The following MACROD2 variants were observed in gnomAD, a reference collection of about 807,000 sequenced individuals.
The protein encoded by MACROD2 is ADP-ribose glycohydrolase MACROD2.
Under a neutral mutation model 70.4 loss-of-function variants are expected in MACROD2, and 36 were observed. The ratio of observed to expected loss-of-function variants is 0.51; its 90% CI spans 0.39 to 0.68. MACROD2 has a LOEUF of 0.68. Among genes scored for constraint, MACROD2 ranks in the 30% least tolerant of loss-of-function variants. The pLI, the probability that MACROD2 is intolerant of heterozygous loss-of-function variation, is 0.00. For synonymous variants in MACROD2, 172 were observed against 178.8 expected, an observed-to-expected ratio of 0.96 and a Z score of 0.30; for missense variants, 496 against 538.4, an observed-to-expected ratio of 0.92 and a Z score of 0.78.
chr20:15,356,934 A>G (rs1421569528), intron 6 of MACROD2, among the ~76,000 whole-genome samples: 1 of 152,250 alleles, frequency 6.6e-6, no homozygotes, highest in East Asian at 1.9e-4. Context: ...TGAAAGTATT[A>G]CAAACTGAAT....
intron 4 of MACROD2, among the ~76,000 whole-genome samples, chr20:14,680,969 A>C (rs2070924992): frequency 6.6e-6 from 1 of 152,190 alleles, no homozygotes; most frequent in African/African-American, 2.4e-5. Context: ...AAAGACAACA[A>C]AAATTAGCAA....
intron 3 of MACROD2, among the ~76,000 whole-genome samples, chr20:14,445,248 T>G (rs1257252446): frequency 6.6e-6 from 1 of 152,070 alleles, no homozygotes; most frequent in Non-Finnish European, 1.5e-5. Context: ...CAAGGATTTT[T>G]GTCCATTTTG....
At chr20:15,682,087 T>C (rs1363956643) in intron 8 of MACROD2, among the ~76,000 whole-genome samples, 1 of 152,192 alleles carries the variant, frequency 6.6e-6, no homozygotes, top group Non-Finnish European at 1.5e-5. Context: ...ATGTATTTCA[T>C]AACATGTAGC....
At position 14,833,287 on chromosome 20, in the gene MACROD2, A is replaced by T. The variant is rs140517410; in HGVS notation, c.418+148328A>T. ...TTCCAACCTGCCCTGCAAGGGGCTA[A>T]GATAGCTGCCATGACTTAGGAGAAA... is the stretch of plus-strand genomic sequence containing the variant. On this transcript the variant is annotated intron_variant, in intron 5 of 17. Transcript: ENST00000684519. Among the ~76,000 whole-genome samples the T allele has an allele frequency of 5.8e-3, 880 of 152,200 alleles. 12 individuals are homozygous for T. Among genetic ancestry groups the T allele is most frequent in the African/African-American group, 0.02 (831 of 41,532 alleles).
intron 8 of MACROD2, among the ~76,000 whole-genome samples, chr20:15,509,814 A>T (rs1006153262): frequency 6.6e-6 from 1 of 152,196 alleles, no homozygotes; most frequent in Non-Finnish European, 1.5e-5. Flanking sequence ...TGTCTCTTCT[A>T]GCTTCAGGAT....
chr20:14,348,827 G>A (rs2083090875), intron 3 of MACROD2, among the ~76,000 whole-genome samples: 1 of 152,100 alleles, frequency 6.6e-6, no homozygotes, highest in Admixed American at 6.6e-5. Context: ...CAGCACTTTG[G>A]GAGGCTGAGG....
chr20:15,038,408 A>G (rs1375230587), intron 5 of MACROD2, among the ~76,000 whole-genome samples: 3 of 152,226 alleles, frequency 2.0e-5, no homozygotes, highest in Non-Finnish European at 4.4e-5. Context: ...ACCTGGGGAC[A>G]GCTTCCAATT....
At chr20:14,744,297 C>A (rs982340277) in intron 5 of MACROD2, among the ~76,000 whole-genome samples, 1 of 152,102 alleles carries the variant, frequency 6.6e-6, no homozygotes, top group African/African-American at 2.4e-5. Flanking sequence ...GCTATGTTTT[C>A]AGGTAAAACC....
intron 5 of MACROD2, among the ~76,000 whole-genome samples, chr20:15,145,753 T>A (rs757998771): frequency 2.3e-4 from 35 of 152,032 alleles, no homozygotes; most frequent in Non-Finnish European, 3.2e-4. Flanking sequence ...ATTTTTAATT[T>A]AAAAAAATTT....
chr20:15,036,624 A>G (rs1044736910), intron 5 of MACROD2, among the ~76,000 whole-genome samples: 1 of 152,120 alleles, frequency 6.6e-6, no homozygotes, highest in Non-Finnish European at 1.5e-5. Flanking sequence ...GATGATTCCA[A>G]ATCACCACCG....
chr20:15,562,611 A>C (rs1208817647), intron 8 of MACROD2, among the ~76,000 whole-genome samples: 1 of 152,208 alleles, frequency 6.6e-6, no homozygotes, highest in Non-Finnish European at 1.5e-5. Flanking sequence ...GATTTGTTCT[A>C]AATGTTTTAA....
intron 5 of MACROD2, among the ~76,000 whole-genome samples, chr20:14,697,121 C>A (rs1378979573): frequency 6.6e-6 from 1 of 152,124 alleles, no homozygotes; most frequent in Non-Finnish European, 1.5e-5. Flanking sequence ...ATGAAGGGCA[C>A]TGGGGATTCC....
chr20:16,023,569 G>A lies in MACROD2; in HGVS notation c.1154-17632G>A, dbSNP rs117527187. Reference sequence around the variant, plus strand: ...ATCTTGAGGGCAGGTGGGTTACCTGGGAGGCAATCCGAGGAAGCACATGTG... The same window carrying A: ...ATCTTGAGGGCAGGTGGGTTACCTGAGAGGCAATCCGAGGAAGCACATGTG... On this transcript the variant is annotated intron_variant, in intron 15 of 17. Coordinates refer to ENST00000684519, the MANE Select transcript of MACROD2 (RefSeq NM_001351661.2). 7.7e-3 allele frequency among the ~76,000 whole-genome samples: 1,168 copies of A among 152,100 alleles called. 65 individuals are homozygous for A. The East Asian group carries it at 0.16, about 20-fold the overall frequency.
At chr20:15,497,199 G>A (rs760401574) in intron 7 of MACROD2, among the ~76,000 whole-genome samples, 2 of 152,284 alleles carry the variant, frequency 1.3e-5, no homozygotes, top group Middle Eastern at 3.4e-3. Context: ...GTATCCAGGC[G>A]ATTATAAATC....
chr20:14,219,415 G>A (rs962416462), intron 3 of MACROD2, among the ~76,000 whole-genome samples: 1 of 151,568 alleles, frequency 6.6e-6, no homozygotes, highest in African/African-American at 2.4e-5. Flanking sequence ...CTATTTCCTT[G>A]AATATTTCTC....
intron 3 of MACROD2, among the ~76,000 whole-genome samples, chr20:14,488,725 G>T (rs966953087): frequency 6.6e-6 from 1 of 152,170 alleles, no homozygotes; most frequent in African/African-American, 2.4e-5. Flanking sequence ...CAACATCTTT[G>T]ATCCTCTTTA....
At position 15,191,376 on chromosome 20, in the gene MACROD2, G is replaced by A. The variant is rs117720026; in HGVS notation, c.419-38564G>A. Among the ~76,000 whole-genome samples, 222 of 152,294 alleles carry A rather than the reference G, an allele frequency of 1.5e-3. 6 individuals are homozygous for A. The East Asian group carries it at 0.039, about 27-fold the overall frequency. ...CTGAGATAGAAGATTTGATTGCCCT[G>A]AAGGCATTTGAGGTGGGAAGCCATT... On this transcript the variant is annotated intron_variant, in intron 5 of 17. Transcript: ENST00000684519.
At chr20:15,295,610 C>CACACACACAT (rs2077579156) in intron 6 of MACROD2, among the ~76,000 whole-genome samples, 1 of 140,246 alleles carries the variant, frequency 7.1e-6, no homozygotes, top group African/African-American at 2.6e-5. Flanking sequence ...CACACACACA[C>CACACACACAT]ACACACACAC....
chr20:15,746,452 A>T (rs2051184055), intron 8 of MACROD2, among the ~76,000 whole-genome samples: 1 of 151,450 alleles, frequency 6.6e-6, no homozygotes, highest in South Asian at 2.1e-4. Context: ...AAAAATGACA[A>T]TTTGATTCTC....
Sources: allele counts gnomAD v4.1 joint callset (sites outside exome capture counted in the v4.1 genomes callset), GRCh38; gene constraint gnomAD v4.1.1; transcripts MANE v1.5; gene names NCBI Gene and HGNC (gene_info 2026-07-23, HGNC 2026-07-21).